The following ODAD2 variants were observed in gnomAD, a reference collection of about 807,000 sequenced individuals.
ODAD2 encodes the protein outer dynein arm docking complex subunit 2, also known as outer dynein arm-docking complex subunit 2.
In ODAD2, 89 loss-of-function variants were observed where a neutral mutation model predicts 106.8. That is an observed-to-expected ratio of 0.83 (90% CI 0.70 to 0.99). The LOEUF is 0.99. Ranked by LOEUF, ODAD2 falls within the 50% of genes least tolerant of loss-of-function variation. ODAD2 has a pLI of 0.00. For synonymous variants in ODAD2, 404 were observed against 436.2 expected (o/e 0.93, Z 0.92); for missense variants, 1,168 against 1,238.5 (o/e 0.94, Z 0.85).
intron 7 of ODAD2, among the ~76,000 whole-genome samples, 186 bp from the exon 8 acceptor site, chr10:27,971,499 G>A (rs189236052): frequency 1.3e-5 from 2 of 152,224 alleles, no homozygotes; most frequent in East Asian, 1.9e-4. Flanking sequence ...GGACAGTAAC[G>A]TGATGTTCCT....
At chr10:27,905,978 C>T (rs1843558777) in intron 17 of ODAD2, among the ~76,000 whole-genome samples, 1 of 152,114 alleles carries the variant, frequency 6.6e-6, no homozygotes, top group South Asian at 2.1e-4. Flanking sequence ...ATGACTAAAA[C>T]ACCAAAAGCA....
intron 16 of ODAD2, among the ~76,000 whole-genome samples, chr10:27,926,459 G>A (rs149385684): frequency 9.5e-4 from 144 of 150,990 alleles, no homozygotes; most frequent in African/African-American, 3.2e-3. Context: ...CAAATTAACC[G>A]GACAAAAATA....
intron 17 of ODAD2, among the ~76,000 whole-genome samples, chr10:27,863,304 A>G (rs545749509): frequency 6.6e-6 from 1 of 152,296 alleles, no homozygotes; most frequent in East Asian, 1.9e-4. Flanking sequence ...AATAACCAAC[A>G]AAAAGCACAA....
intron 19 of ODAD2, among the ~76,000 whole-genome samples, chr10:27,856,484 A>G (rs1427285058): frequency 6.6e-6 from 1 of 152,174 alleles, no homozygotes; most frequent in African/African-American, 2.4e-5. Flanking sequence ...ACATGCCCCA[A>G]AAGTGAAAAT....
intron 10 of ODAD2, among the ~76,000 whole-genome samples, chr10:27,948,995 TTTTTTAATTACTTCAAATAAAATA>T (rs2132682628): frequency 6.6e-6 from 1 of 152,272 alleles, no homozygotes; most frequent in African/African-American, 2.4e-5. Context: ...TCAACTACGT[TTTTTTAATTACTTCAAATAAAATA>T]TTTGAAATAA....
At chr10:27,984,673 A>G (rs1226586545) in intron 4 of ODAD2, among the ~76,000 whole-genome samples, 1 of 152,200 alleles carries the variant, frequency 6.6e-6, no homozygotes, top group African/African-American at 2.4e-5. Context: ...GAATTGCATG[A>G]AACCCCACCA....
Position 27,994,947 on chromosome 10 carries a change from AG to A in ODAD2, c.195del (p.Ser66GlnfsTer54). On this transcript the variant is annotated frameshift_variant, in exon 2 of 20. Coordinates refer to ENST00000305242, the MANE Select transcript of ODAD2 (RefSeq NM_018076.5). LOFTEE classifies it high-confidence loss of function. ...EPLEWNTSLA[P>X]SAFESGYVVS... Reference sequence around the variant, plus strand: ...ACAACATAACCTGATTCAAATGCTGAGGGCGCCAAACTTGTGTTCCATTCAA... The same window carrying A: ...ACAACATAACCTGATTCAAATGCTGAGGCGCCAAACTTGTGTTCCATTCAA... 6.2e-7 allele frequency: 1 copy of A among 1,614,218 alleles called. No individual in the cohort carries two copies. Among genetic ancestry groups the A allele is most frequent in the Non-Finnish European group, 8.5e-7 (1 of 1,180,036 alleles).
rs1310168282 is a variant in ODAD2 at position 27,983,828 on chromosome 10, T to C, written c.819+15A>G. On this transcript the variant is annotated intron_variant, in intron 6 of 19. Coordinates refer to ENST00000305242, the MANE Select transcript of ODAD2 (RefSeq NM_018076.5). ...AGTCCACTGGCTTTAGTTACGTTTTTAAAAATTTACTTACACCATTTAAAA... is the reference window on the plus strand; with the variant it reads ...AGTCCACTGGCTTTAGTTACGTTTTCAAAAATTTACTTACACCATTTAAAA... 7 of 1,612,548 alleles carry C rather than the reference T, an allele frequency of 4.3e-6. No homozygotes were observed. The highest frequency in any genetic ancestry group is 5.9e-6 in the Non-Finnish European group (7 of 1,179,422).
chr10:27,915,256 A>C (rs541614848), intron 16 of ODAD2, among the ~76,000 whole-genome samples: 1 of 152,324 alleles, frequency 6.6e-6, no homozygotes, highest in South Asian at 2.1e-4. Context: ...CTGCAATAAC[A>C]GAATGCCATA....
chr10:27,962,164 C>T (rs537164606), intron 9 of ODAD2, among the ~76,000 whole-genome samples: 1 of 152,188 alleles, frequency 6.6e-6, no homozygotes, highest in African/African-American at 2.4e-5. Flanking sequence ...TCATAATAAA[C>T]AAAACAGTGA....
chr10:27,913,901 C>T lies in ODAD2; in HGVS notation c.2496-6124G>A, dbSNP rs1196113191. 2.6e-5 allele frequency among the ~76,000 whole-genome samples: 4 copies of T among 152,166 alleles called. No individual in the cohort carries two copies. In the East Asian group the frequency reaches 7.7e-4, roughly 29 times the overall value. On this transcript the variant is annotated intron_variant, in intron 16 of 19. Coordinates refer to ENST00000305242, the MANE Select transcript of ODAD2 (RefSeq NM_018076.5). The stretch of plus-strand genomic sequence containing the variant: ...CTGCTGGTAGGAATGCAAATTAGTT[C>T]AGCCACTGTGAAAAGCAGTTCGGAG...
chr10:27,995,255 T>A lies in ODAD2; in HGVS notation c.-38-75A>T, dbSNP rs113281170. On this transcript the variant is annotated intron_variant, in intron 1 of 19. Coordinates refer to ENST00000305242, the MANE Select transcript of ODAD2 (RefSeq NM_018076.5). ...GGAACATTTTTCATTCTCAAGACTT[T>A]AAACTAGTACTCCCCATCCCACATT... 1.1e-5 allele frequency: 16 copies of A among 1,420,218 alleles called. No homozygotes were observed. In the African/African-American group the frequency reaches 1.4e-4, roughly 13 times the overall value. The allele number at this position is 1,420,218 out of a possible 1,614,324, so 88.0% of individuals were successfully genotyped here.
At chr10:27,891,366 C>T (rs1226604366) in intron 17 of ODAD2, among the ~76,000 whole-genome samples, 3 of 151,338 alleles carry the variant, frequency 2.0e-5, no homozygotes, top group Non-Finnish European at 2.9e-5. Context: ...TTTCAAATTA[C>T]TAGAGTTTTT....
At chr10:27,926,068 C>T (rs1488349295) in intron 16 of ODAD2, among the ~76,000 whole-genome samples, 1 of 149,614 alleles carries the variant, frequency 6.7e-6, no homozygotes, top group Non-Finnish European at 1.5e-5. Context: ...GCAAATTTTT[C>T]TGTAAAGAGC....
At chr10:27,882,229 GA>G (rs1323672625) in intron 17 of ODAD2, among the ~76,000 whole-genome samples, 3 of 149,258 alleles carry the variant, frequency 2.0e-5, no homozygotes, top group African/African-American at 7.3e-5. Flanking sequence ...AAGAAAGAAA[GA>G]AAGAAATATG....
At chr10:27,993,974 A>ATATGTGTGTG (rs369833558) in intron 2 of ODAD2, among the ~76,000 whole-genome samples, 20 of 140,548 alleles carry the variant, frequency 1.4e-4, no homozygotes, top group Admixed American at 2.2e-4. Context: ...ATATATATAT[A>ATATGTGTGTG]TGTGTGTGTG....
At chr10:27,998,376 T>G (rs1010967630) in intron 1 of ODAD2, among the ~76,000 whole-genome samples, 7 of 151,898 alleles carry the variant, frequency 4.6e-5, no homozygotes, top group Non-Finnish European at 1.0e-4. Flanking sequence ...ACCCTAAGTT[T>G]CCAGGAATGG....
At chr10:27,820,288 G>A (rs554568404) in intron 19 of ODAD2, among the ~76,000 whole-genome samples, 41 of 152,030 alleles carry the variant, frequency 2.7e-4, no homozygotes, top group African/African-American at 9.4e-4. Context: ...TCTAGCCTGC[G>A]TTTCGCCCAT....
chr10:27,891,627 A>C (rs1387116204), intron 17 of ODAD2, among the ~76,000 whole-genome samples: 1 of 152,074 alleles, frequency 6.6e-6, no homozygotes, highest in Non-Finnish European at 1.5e-5. Context: ...GAATTATACT[A>C]TTACTTCTTA....
Sources: allele counts gnomAD v4.1 joint callset (sites outside exome capture counted in the v4.1 genomes callset), GRCh38; gene constraint gnomAD v4.1.1; transcripts MANE v1.5; gene names NCBI Gene and HGNC (gene_info 2026-07-23, HGNC 2026-07-21).